The following GRID1 variants were observed in gnomAD, a reference collection of about 807,000 sequenced individuals.
GRID1 encodes the protein glutamate ionotropic receptor delta type subunit 1.
Under a neutral mutation model 98.0 loss-of-function variants are expected in GRID1, and 28 were observed. The ratio of observed to expected loss-of-function variants is 0.29; its 90% CI spans 0.21 to 0.39. The LOEUF (loss-of-function observed/expected upper bound fraction) is 0.39, where lower values mean the gene tolerates loss of function less well. Ranked by LOEUF, GRID1 falls within the 10% of genes least tolerant of loss-of-function variation. GRID1 has a pLI of 1.00. For synonymous variants in GRID1, 553 were observed against 538.5 expected, an observed-to-expected ratio of 1.03 and a Z score of -0.37; for missense variants, 1,111 against 1,340.5, an observed-to-expected ratio of 0.83 and a Z score of 2.67.
intron 8 of GRID1, among the ~76,000 whole-genome samples, chr10:85,837,735 T>G (rs1187334032): frequency 2.0e-5 from 3 of 151,958 alleles, no homozygotes; most frequent in Non-Finnish European, 4.4e-5. Flanking sequence ...TGCTGAAAAC[T>G]CAAAGCCAGA....
chr10:85,963,986 C>A (rs1842304894), intron 4 of GRID1, among the ~76,000 whole-genome samples: 1 of 152,132 alleles, frequency 6.6e-6, no homozygotes, highest in Non-Finnish European at 1.5e-5. Context: ...ATCCCTACAG[C>A]AATAACAGAC....
intron 6 of GRID1, among the ~76,000 whole-genome samples, chr10:85,868,706 T>A (rs1843246731): frequency 6.6e-6 from 1 of 152,164 alleles, no homozygotes; most frequent in Non-Finnish European, 1.5e-5. Flanking sequence ...GATGAACACA[T>A]TCCCACAAAG....
chr10:86,329,161 C>T (rs12266820), intron 2 of GRID1, among the ~76,000 whole-genome samples: 26,748 of 152,202 alleles, frequency 0.18, 2,444 homozygotes, highest in Middle Eastern at 0.24. Flanking sequence ...GCATCCCTCC[C>T]GAGCCCTCTA....
intron 2 of GRID1, among the ~76,000 whole-genome samples, chr10:86,252,682 A>G (rs1846855689): frequency 6.6e-6 from 1 of 152,210 alleles, no homozygotes. Flanking sequence ...GCCAAGTGAC[A>G]CCATCTGATG....
chr10:86,061,309 G>C (rs1337146843), intron 4 of GRID1, among the ~76,000 whole-genome samples: 1 of 152,166 alleles, frequency 6.6e-6, no homozygotes, highest in African/African-American at 2.4e-5. Flanking sequence ...GCACTGCAAA[G>C]AATCCCTCAA....
chr10:86,181,873 G>A (rs1177901581), intron 3 of GRID1, among the ~76,000 whole-genome samples: 2 of 152,082 alleles, frequency 1.3e-5, no homozygotes, highest in Non-Finnish European at 2.9e-5. Context: ...AGCTCCATGA[G>A]GGCAGGAACG....
chr10:85,961,821 C>T (rs1842271458), intron 4 of GRID1, among the ~76,000 whole-genome samples: 1 of 151,898 alleles, frequency 6.6e-6, no homozygotes, highest in Admixed American at 6.6e-5. Flanking sequence ...TTCCCTCCCT[C>T]CCTCTTTCCT....
At chr10:85,749,742 T>A (rs1842028799) in intron 8 of GRID1, among the ~76,000 whole-genome samples, 1 of 152,162 alleles carries the variant, frequency 6.6e-6, no homozygotes, top group South Asian at 2.1e-4. Context: ...CTATTCCCAG[T>A]TTAGAGCCTT....
chr10:86,147,083 C>G (rs543615804), intron 3 of GRID1, among the ~76,000 whole-genome samples: 1 of 152,250 alleles, frequency 6.6e-6, no homozygotes, highest in East Asian at 1.9e-4. Context: ...TGGTGTCCTG[C>G]CAGATTCAGC....
At chr10:85,764,263 G>C (rs1215755485) in intron 8 of GRID1, among the ~76,000 whole-genome samples, 1 of 152,122 alleles carries the variant, frequency 6.6e-6, no homozygotes, top group East Asian at 1.9e-4. Flanking sequence ...GCAAAGTGAT[G>C]GTTCTCAAAG....
intron 4 of GRID1, among the ~76,000 whole-genome samples, chr10:85,965,735 T>G (rs979188683): frequency 1.3e-5 from 2 of 152,034 alleles, no homozygotes; most frequent in Non-Finnish European, 2.9e-5. Context: ...TGTATACCTA[T>G]GTAACAAACC....
intron 12 of GRID1, among the ~76,000 whole-genome samples, chr10:85,670,091 A>AATAGTTCATTAATAAAT (rs2132581991): frequency 6.6e-6 from 1 of 152,346 alleles, no homozygotes; most frequent in Non-Finnish European, 1.5e-5. Context: ...ATTTTTCAAA[A>AATAGTTCATTAATAAAT]ATAGTTCATT....
At chr10:85,911,511 G>A (rs145477489) in intron 5 of GRID1, among the ~76,000 whole-genome samples, 1 of 152,238 alleles carries the variant, frequency 6.6e-6, no homozygotes, top group Non-Finnish European at 1.5e-5. Flanking sequence ...ACCTCCTCCT[G>A]GCCGCTGCTG....
At chr10:85,851,399 T>C (rs1236684416) in intron 8 of GRID1, among the ~76,000 whole-genome samples, 1 of 152,142 alleles carries the variant, frequency 6.6e-6, no homozygotes, top group South Asian at 2.1e-4. Flanking sequence ...CAAAGCTCAC[T>C]CACTAAAAAC....
intron 4 of GRID1, among the ~76,000 whole-genome samples, chr10:86,121,517 C>CCATTATCACCACCATCACCATCATCT (rs1844671516): frequency 1.7e-3 from 2 of 1,172 alleles, no homozygotes; most frequent in Non-Finnish European, 5.3e-3. Context: ...ATCATCATCA[C>CCATTATCACCACCATCACCATCATCT]TACCATCATC....
intron 4 of GRID1, among the ~76,000 whole-genome samples, chr10:85,938,604 G>A (rs1001759511): frequency 3.9e-5 from 6 of 152,054 alleles, no homozygotes; most frequent in African/African-American, 1.2e-4. Context: ...CGATACAAAC[G>A]AGCCAGGATT....
At chr10:86,321,855 A>G (rs1229772325) in intron 2 of GRID1, among the ~76,000 whole-genome samples, 1 of 152,158 alleles carries the variant, frequency 6.6e-6, no homozygotes, top group Non-Finnish European at 1.5e-5. Context: ...CCCATCCAGT[A>G]TGTGAGTTCA....
intron 12 of GRID1, among the ~76,000 whole-genome samples, chr10:85,682,869 T>C (rs997958090): frequency 2.0e-5 from 3 of 152,186 alleles, no homozygotes; most frequent in Non-Finnish European, 4.4e-5. Flanking sequence ...GAATCCTCTT[T>C]AGATGTGCAA....
intron 2 of GRID1, among the ~76,000 whole-genome samples, chr10:86,295,200 G>A (rs1001203406): frequency 6.6e-6 from 1 of 152,206 alleles, no homozygotes; most frequent in Non-Finnish European, 1.5e-5. Context: ...AGTAGCTGCA[G>A]AGGAAGTGGA....
Sources: gnomAD v4.1 joint callset for allele counts (sites outside exome capture counted in the v4.1 genomes callset) on GRCh38, gnomAD v4.1.1 for gene constraint, MANE v1.5 for transcripts, NCBI Gene and HGNC (gene_info 2026-07-23, HGNC 2026-07-21) for gene names.